The following KCNU1 variants were observed in gnomAD, a reference collection of about 807,000 sequenced individuals.
KCNU1 encodes the protein potassium calcium-activated channel subfamily U member 1.
A neutral mutation model predicts 126.8 loss-of-function variants in KCNU1; 93 were observed. The observed-to-expected ratio is 0.73, with a 90% CI of 0.62 to 0.87. KCNU1 has a LOEUF of 0.87. Ranked by LOEUF, KCNU1 falls within the 40% of genes least tolerant of loss-of-function variation. The pLI, the probability that KCNU1 is intolerant of heterozygous loss-of-function variation, is 0.00. For synonymous variants in KCNU1, 523 were observed against 494.2 expected (o/e 1.06, Z -0.77); for missense variants, 1,330 against 1,367.1 (o/e 0.97, Z 0.43).
At chr8:36,918,397 A>G (rs908868640) in intron 22 of KCNU1, among the ~76,000 whole-genome samples, 6 of 152,024 alleles carry the variant, frequency 3.9e-5, no homozygotes, top group African/African-American at 1.4e-4. Context: ...AAATAAAAAA[A>G]AAAATAAATT....
At chr8:36,833,502 C>A in intron 10 of KCNU1, 52 bp from the exon 11 acceptor site, 1 of 1,053,676 alleles carries the variant, frequency 9.5e-7, no homozygotes, top group Admixed American at 1.7e-5. Flanking sequence ...CCTCTAAACC[C>A]AGAGTCAATC....
At chr8:36,844,787 C>G (rs1198525553) in intron 16 of KCNU1, among the ~76,000 whole-genome samples, 1 of 152,114 alleles carries the variant, frequency 6.6e-6, no homozygotes, top group Admixed American at 6.5e-5. Context: ...GGAGAACTTC[C>G]GTTCTGCAAA....
rs1477285795 is a variant in KCNU1 at position 36,931,002 on chromosome 8, GGAGT to G, written c.2789_2792del (p.Gly930GlufsTer9). The G allele has an allele frequency of 6.2e-7, 1 of 1,609,678 alleles. No homozygotes were observed. Among genetic ancestry groups the G allele is most frequent in the Non-Finnish European group, 8.5e-7 (1 of 1,177,914 alleles). ...ATTGCTTCAGATGCTGGTGACAGGA[GGAGT>G]AAGTTCTCAGCTGGAACAACATTTA... is the stretch of plus-strand genomic sequence containing the variant. On this transcript the variant is annotated frameshift_variant, in exon 25 of 27. Transcript: ENST00000399881. LOFTEE classifies it high-confidence loss of function.
chr8:36,860,420 G>A (rs1805687049), intron 18 of KCNU1, among the ~76,000 whole-genome samples: 1 of 151,984 alleles, frequency 6.6e-6, no homozygotes, highest in Non-Finnish European at 1.5e-5. Flanking sequence ...ACACCAGTAG[G>A]GCTAAGCCTT....
chr8:36,914,548 A>G (rs2117550122), intron 22 of KCNU1, among the ~76,000 whole-genome samples: 1 of 152,320 alleles, frequency 6.6e-6, no homozygotes, highest in Non-Finnish European at 1.5e-5. Flanking sequence ...AGCTAGGACC[A>G]TCAAGGCTAT....
At chr8:36,844,128 C>T (rs1369068018) in intron 16 of KCNU1, among the ~76,000 whole-genome samples, 1 of 152,172 alleles carries the variant, frequency 6.6e-6, no homozygotes, top group African/African-American at 2.4e-5. Flanking sequence ...CCTGTAATCT[C>T]AGCAGTTTGG....
At chr8:36,923,610 T>C (rs1183850251) in intron 24 of KCNU1, among the ~76,000 whole-genome samples, 1 of 152,170 alleles carries the variant, frequency 6.6e-6, no homozygotes, top group East Asian at 1.9e-4. Flanking sequence ...CTTTACTTTC[T>C]GCAGAAAGGG....
chr8:36,922,377 A>G (rs181717101), intron 23 of KCNU1, 113 bp from the exon 24 acceptor site: 1 of 1,158,788 alleles, frequency 8.6e-7, no homozygotes, highest in East Asian at 2.4e-5. Context: ...AGAGACCCCA[A>G]AGTAGACATC....
Position 36,808,531 on chromosome 8 carries a change from C to A in KCNU1, c.657-187C>A, listed in dbSNP as rs1374849576. Reference sequence around the variant, plus strand: ...TGTGTATATGAATCAAGCAGAGAATCTTGTACCAATGCAGATTGGGAGATC... The same window carrying A: ...TGTGTATATGAATCAAGCAGAGAATATTGTACCAATGCAGATTGGGAGATC... On this transcript the variant is annotated intron_variant, in intron 6 of 26. Coordinates refer to ENST00000399881, the MANE Select transcript of KCNU1 (RefSeq NM_001031836.3). 2.6e-5 allele frequency among the ~76,000 whole-genome samples: 4 copies of A among 152,226 alleles called. No individual in the cohort carries two copies. The South Asian group carries it at 6.2e-4, about 24-fold the overall frequency.
At chr8:36,839,306 C>A (rs1804866156) in intron 14 of KCNU1, among the ~76,000 whole-genome samples, 1 of 152,166 alleles carries the variant, frequency 6.6e-6, no homozygotes, top group South Asian at 2.1e-4. Context: ...TCCTGTTTTC[C>A]TTTCTGATCT....
At chr8:36,803,081 C>A (rs1258145911) in intron 2 of KCNU1, among the ~76,000 whole-genome samples, 2 of 152,240 alleles carry the variant, frequency 1.3e-5, no homozygotes, top group South Asian at 4.2e-4. Flanking sequence ...TCTGATCTCC[C>A]CTTTCTGATC....
At chr8:36,835,883 C>T (rs1804728589) in intron 12 of KCNU1, among the ~76,000 whole-genome samples, 1 of 152,124 alleles carries the variant, frequency 6.6e-6, no homozygotes, top group Non-Finnish European at 1.5e-5. Context: ...TGACGTAGAT[C>T]TTAGTTTCTT....
intron 18 of KCNU1, among the ~76,000 whole-genome samples, chr8:36,853,148 G>A (rs1306891036): frequency 1.3e-5 from 2 of 152,222 alleles, no homozygotes; most frequent in African/African-American, 2.4e-5. Context: ...TCAGGAGTTC[G>A]AGACCAGACT....
intron 16 of KCNU1, 46 bp downstream of exon 16, chr8:36,841,049 TTTTTTTTC>T: frequency 1.6e-6 from 2 of 1,285,300 alleles, no homozygotes; most frequent in South Asian, 2.6e-5. Context: ...TTTTTTTTTT[TTTTTTTTC>T]CTGGAGATTC....
chr8:36,806,547 T>C (rs1221490227), intron 5 of KCNU1, among the ~76,000 whole-genome samples, 167 bp downstream of exon 5: 1 of 152,220 alleles, frequency 6.6e-6, no homozygotes, highest in Non-Finnish European at 1.5e-5. Flanking sequence ...ACCTTTTGAC[T>C]TTAACACTTA....
intron 7 of KCNU1, 124 bp downstream of exon 7, chr8:36,808,917 C>A: frequency 1.6e-6 from 1 of 642,612 alleles, no homozygotes; most frequent in South Asian, 1.9e-5. Context: ...GTGTGTCTTT[C>A]TACTTCCCAT....
rs1807914511 is a variant in KCNU1 at position 36,912,487 on chromosome 8, G to A, written c.2521+1368G>A. The stretch of plus-strand genomic sequence containing the variant: ...GTGCCATGAACAGCCAGACTTAGGA[G>A]GGGTGAGCCCTACCTCTGCTGAGCA... On this transcript the variant is annotated intron_variant, in intron 22 of 26. Coordinates refer to ENST00000399881, the MANE Select transcript of KCNU1 (RefSeq NM_001031836.3). 2.0e-5 allele frequency among the ~76,000 whole-genome samples: 3 copies of A among 152,114 alleles called. No homozygotes were observed. In the South Asian group the frequency reaches 6.2e-4, roughly 32 times the overall value.
At chr8:36,820,357 T>C (rs1338399840) in intron 10 of KCNU1, among the ~76,000 whole-genome samples, 1 of 152,126 alleles carries the variant, frequency 6.6e-6, no homozygotes, top group Non-Finnish European at 1.5e-5. Context: ...TCCTTGGAAC[T>C]GGTGGAGACA....
chr8:36,814,138 T>C (rs1803823332), intron 7 of KCNU1, 69 bp from the exon 8 acceptor site: 3 of 1,171,314 alleles, frequency 2.6e-6, no homozygotes, highest in Non-Finnish European at 2.5e-6. Context: ...TCTAATGTTT[T>C]GCCTATTCTT....
Sources: gnomAD v4.1 joint callset for allele counts (sites outside exome capture counted in the v4.1 genomes callset) on GRCh38, gnomAD v4.1.1 for gene constraint, MANE v1.5 for transcripts, NCBI Gene and HGNC (gene_info 2026-07-23, HGNC 2026-07-21) for gene names.